ASB15: variants seen among roughly 807,000 people sequenced by gnomAD.
ASB15 encodes the protein ankyrin repeat and SOCS box protein 15.
In ASB15, 54 loss-of-function variants were observed where a neutral mutation model predicts 58.0. The ratio of observed to expected loss-of-function variants is 0.93; its 90% CI spans 0.75 to 1.17. The LOEUF (loss-of-function observed/expected upper bound fraction) is 1.17, where lower values mean the gene tolerates loss of function less well. Ranked by LOEUF, ASB15 falls within the 50% of genes most tolerant of loss-of-function variation. The pLI is 0.00. For missense variants in ASB15, 680 were observed against 707.4 expected (o/e 0.96, Z 0.44); for synonymous variants, 249 against 262.4 (o/e 0.95, Z 0.50).
chr7:123,623,973 AAGAAAGAAAGAAAGAAAGAAAG>A lies in ASB15; in HGVS notation c.452-589_452-568del, dbSNP rs1339872886. Among the ~76,000 whole-genome samples the A allele has an allele frequency of 5.5e-4, 78 of 140,986 alleles. 1 individual carries two copies. Among genetic ancestry groups the A allele is most frequent in the Non-Finnish European group, 6.1e-4 (38 of 62,238 alleles). The allele number at this position is 140,986 out of a possible 152,430, so 92.5% of individuals were successfully genotyped here. A position where few individuals can be genotyped will look rare whatever the true frequency, so the allele number is the denominator to read the frequency against. On this transcript the variant is annotated intron_variant, in intron 7 of 11. Coordinates refer to ENST00000451215, the MANE Select transcript of ASB15 (RefSeq NM_001290258.2). ...AAAGAAAGAAAGAAAGAAAGAAAGA[AAGAAAGAAAGAAAGAAAGAAAG>A]AGAAAGGAAAGAAAATACATATATA...
intron 11 of ASB15, among the ~76,000 whole-genome samples, chr7:123,634,253 T>C (rs1206774569): frequency 2.6e-5 from 4 of 151,620 alleles, no homozygotes; most frequent in African/African-American, 9.7e-5. Flanking sequence ...TCCATGTGTC[T>C]GTGTGTTCTC....
At chr7:123,624,103 A>G (rs1228567775) in intron 7 of ASB15, among the ~76,000 whole-genome samples, 1 of 152,166 alleles carries the variant, frequency 6.6e-6, no homozygotes, top group Non-Finnish European at 1.5e-5. Flanking sequence ...AAACCTGATG[A>G]ACATGATTTA....
At chr7:123,594,012 G>A (rs965646610) in intron 1 of ASB15, among the ~76,000 whole-genome samples, 9 of 151,602 alleles carry the variant, frequency 5.9e-5, no homozygotes, top group Admixed American at 2.0e-4. Context: ...TTGTCTTCTC[G>A]CTTTATTTCA....
chr7:123,596,692 G>A (rs961949332), intron 1 of ASB15, among the ~76,000 whole-genome samples: 9 of 152,124 alleles, frequency 5.9e-5, no homozygotes, highest in African/African-American at 1.2e-4. Context: ...AGTTTTCTTC[G>A]TTAAATTTAT....
chr7:123,575,964 G>A (rs1799053693), intron 1 of ASB15, among the ~76,000 whole-genome samples: 1 of 150,886 alleles, frequency 6.6e-6, no homozygotes, highest in Admixed American at 6.6e-5. Flanking sequence ...CTTGATTTAT[G>A]ACTTTCAATT....
At chr7:123,586,271 C>G (rs946613436) in intron 1 of ASB15, among the ~76,000 whole-genome samples, 12 of 151,790 alleles carry the variant, frequency 7.9e-5, no homozygotes, top group African/African-American at 2.7e-4. Flanking sequence ...AACAGCCTTC[C>G]TAACAGGTGT....
At chr7:123,580,225 G>A (rs570508214) in intron 1 of ASB15, among the ~76,000 whole-genome samples, 1 of 152,126 alleles carries the variant, frequency 6.6e-6, no homozygotes, top group East Asian at 1.9e-4. Context: ...CGTTTTGCCT[G>A]TTCAGAGAGC....
At position 123,616,446 on chromosome 7, in the gene ASB15, T is replaced by G; in HGVS notation, c.243T>G (p.His81Gln). ...ATGAAAAAGGATGGTTTCCATTGCA[T>G]GAAGCTGTTGTTCAACCCATTCAAC... ...EADEKGWFPLHEAVVQPIQQI... is the reference protein window; with the variant it reads ...EADEKGWFPLQEAVVQPIQQI... Residue 81 changes from histidine (H) to glutamine (Q), a missense_variant, in exon 6 of 12, where the codon CAT becomes CAG. Physicochemically the swap from His to Gln is conservative, Grantham distance 24. Transcript: ENST00000451215. 6.2e-7 allele frequency: 1 copy of G among 1,612,256 alleles called. No homozygotes were observed. The highest frequency in any genetic ancestry group is 8.5e-7 in the Non-Finnish European group (1 of 1,178,548).
chr7:123,610,614 C>T (rs6466875), intron 3 of ASB15, among the ~76,000 whole-genome samples: 47,752 of 152,026 alleles, frequency 0.31, 7,693 homozygotes, highest in East Asian at 0.4. Flanking sequence ...TCCCTAAAAT[C>T]GCATGCAAAA....
At chr7:123,623,099 A>C (rs993064849) in intron 7 of ASB15, 4 of 152,248 alleles carry the variant, frequency 2.6e-5, no homozygotes, top group African/African-American at 9.7e-5. Context: ...AATAGAAGGC[A>C]GCATAGGCTT....
At chr7:123,575,060 C>CTTTT (rs34567714) in intron 1 of ASB15, among the ~76,000 whole-genome samples, 5 of 133,688 alleles carry the variant, frequency 3.7e-5, no homozygotes, top group African/African-American at 1.4e-4. Context: ...GGTATGTTTC[C>CTTTT]TTTTTTTTTT....
intron 3 of ASB15, 126 bp from the exon 4 acceptor site, chr7:123,614,375 A>G (rs1304298272): frequency 3.2e-6 from 2 of 634,574 alleles, no homozygotes; most frequent in East Asian, 5.5e-5. Context: ...CCACATTTGT[A>G]TTTGTTAACT....
intron 2 of ASB15, among the ~76,000 whole-genome samples, chr7:123,606,069 A>G (rs143476022): frequency 1.7e-4 from 26 of 152,310 alleles, no homozygotes; most frequent in African/African-American, 5.8e-4. Context: ...AATGTAGTCA[A>G]AACGTTTTTT....
chr7:123,622,515 G>A (rs1197419900), intron 7 of ASB15, among the ~76,000 whole-genome samples: 2 of 152,092 alleles, frequency 1.3e-5, no homozygotes, highest in Non-Finnish European at 2.9e-5. Context: ...TGGAAGTGAA[G>A]TTTTGATTTT....
At chr7:123,601,685 C>T (rs558408013), upstream of ASB15, among the ~76,000 whole-genome samples, 1 of 152,136 alleles carries the variant, frequency 6.6e-6, no homozygotes, top group South Asian at 2.1e-4. Flanking sequence ...CTTATTATAC[C>T]TCTGTAGGCT....
intron 1 of ASB15, among the ~76,000 whole-genome samples, chr7:123,574,006 G>A (rs1798988542): frequency 6.6e-6 from 1 of 151,934 alleles, no homozygotes; most frequent in Admixed American, 6.6e-5. Flanking sequence ...TAATATGATA[G>A]ACCAAAGAAA....
chr7:123,637,128 C>A lies in ASB15; in HGVS notation c.*147C>A. 1.9e-6 allele frequency: 1 copy of A among 526,248 alleles called. No homozygotes were observed. The highest frequency in any genetic ancestry group is 3.2e-6 in the Non-Finnish European group (1 of 307,798). 32.6% of individuals were successfully genotyped at this position (526,248 alleles called of 1,614,324 possible). A position where few individuals can be genotyped will look rare whatever the true frequency, so the allele number is the denominator to read the frequency against. ...GTTATCATGTGTTCTTATGGGAACACCATGATTTATGTCTTTAAAGACATT... is the reference window on the plus strand; with the variant it reads ...GTTATCATGTGTTCTTATGGGAACAACATGATTTATGTCTTTAAAGACATT... On this transcript the variant is annotated 3_prime_UTR_variant, in exon 12 of 12. Transcript: ENST00000451215.
Position 123,624,760 on chromosome 7 carries a change from G to C in ASB15, c.643G>C (p.Gly215Arg). The C allele has an allele frequency of 1.2e-6, 2 of 1,614,066 alleles. No individual in the cohort carries two copies. Among genetic ancestry groups the C allele is most frequent in the Non-Finnish European group, 1.7e-6 (2 of 1,179,934 alleles). ...LRDGFGVTPL[G>R]VAAEYGHCDV... Reference sequence around the variant, plus strand: ...AGATGGATTTGGAGTCACACCACTAGGCGTCGCTGCCGAGTATGGTCACTG... The same window carrying C: ...AGATGGATTTGGAGTCACACCACTACGCGTCGCTGCCGAGTATGGTCACTG... The change falls in exon 8 of 12, where the codon GGC becomes CGC. Residue 215 changes from glycine to arginine, a missense_variant. Physicochemically the swap from Gly to Arg is moderately radical, Grantham distance 125 (BLOSUM62 -2). Transcript: ENST00000451215.
intron 1 of ASB15, among the ~76,000 whole-genome samples, chr7:123,592,304 T>C (rs771127383): frequency 6.6e-5 from 10 of 152,218 alleles, no homozygotes; most frequent in Non-Finnish European, 1.5e-4. Context: ...GCTCCGATCT[T>C]AGTTATTTCT....
Sources: allele counts gnomAD v4.1 joint callset (sites outside exome capture counted in the v4.1 genomes callset), GRCh38; gene constraint gnomAD v4.1.1; transcripts MANE v1.5; gene names NCBI Gene and HGNC (gene_info 2026-07-23, HGNC 2026-07-21).